Variants in ANKRD42 observed in about 807,000 individuals in gnomAD.
The protein encoded by ANKRD42 is ankyrin repeat domain-containing protein 42.
ANKRD42 carries 43 observed loss-of-function variants against 51.5 expected under a neutral mutation model. The observed-to-expected ratio is 0.83, with a 90% CI of 0.65 to 1.08. ANKRD42 has a LOEUF of 1.08. ANKRD42 is among the 50% of genes least tolerant of loss of function. The probability of loss-of-function intolerance (pLI) is 0.00; values close to 1 mark genes in which losing one functional copy is unlikely to be tolerated. For missense variants in ANKRD42, 608 were observed against 629.3 expected, an observed-to-expected ratio of 0.97 and a Z score of 0.36; for synonymous variants, 203 against 213.0, an observed-to-expected ratio of 0.95 and a Z score of 0.41.
chr11:83,230,736 G>T (rs1863044231), intron 7 of ANKRD42, among the ~76,000 whole-genome samples: 1 of 152,062 alleles, frequency 6.6e-6, no homozygotes, highest in South Asian at 2.1e-4. Flanking sequence ...ACAGGTGTGT[G>T]CCACCATGCC....
rs1220921537 is a variant in ANKRD42 at position 83,245,542 on chromosome 11, A to G, written c.1240A>G (p.Ile414Val). Reference sequence around the variant, plus strand: ...TGTAGAATTGAGACACCTCCTGGAAATTGCCGAGAGCAACTATAAACACTT... The same window carrying G: ...TGTAGAATTGAGACACCTCCTGGAAGTTGCCGAGAGCAACTATAAACACTT... ...KIVELRHLLE[I>V]AESNYKHLGG... is the part of the protein sequence containing the mutation. Residue 414 changes from isoleucine to valine, a missense_variant, in exon 10 of 11, where the codon ATT (isoleucine) becomes GTT (valine). Physicochemically the swap from Ile to Val is conservative, Grantham distance 29. Transcript: ENST00000533342. The G allele has an allele frequency of 6.5e-7, 1 of 1,536,514 alleles. No homozygotes were observed. Among genetic ancestry groups the G allele is most frequent in the African/African-American group, 1.4e-5 (1 of 73,046 alleles).
At chr11:83,249,919 A>C (rs1245902085), downstream of ANKRD42, among the ~76,000 whole-genome samples, 1 of 152,082 alleles carries the variant, frequency 6.6e-6, no homozygotes, top group East Asian at 1.9e-4. Flanking sequence ...AGAAATCCTG[A>C]ATTTGGTTTC....
intron 1 of ANKRD42, among the ~76,000 whole-genome samples, chr11:83,195,561 A>G (rs1346758105): frequency 6.6e-6 from 1 of 152,196 alleles, no homozygotes; most frequent in Non-Finnish European, 1.5e-5. Flanking sequence ...CAGCATGTCC[A>G]AAATGTAATT....
In ANKRD42 at chr11:83,194,862, A is replaced by G. The variant is rs191038142; in HGVS notation, c.58+134A>G. ...CCCTTTCCCTTTTTAATTTATTTTC[A>G]GGGGATACCAAAGCTGTTCAGCTCT... On this transcript the variant is annotated intron_variant, in intron 1 of 10. Coordinates refer to ENST00000533342, the MANE Select transcript of ANKRD42 (RefSeq NM_001300975.2). 4,144 of 908,632 alleles carry G rather than the reference A, an allele frequency of 4.6e-3. 14 individuals are homozygous for G. The highest frequency in any genetic ancestry group is 6.0e-3 in the Non-Finnish European group (3,684 of 611,184). 56.3% of individuals were successfully genotyped at this position (908,632 alleles called of 1,614,324 possible).
At chr11:83,235,725 T>G (rs1863204054) in intron 7 of ANKRD42, among the ~76,000 whole-genome samples, 1 of 152,242 alleles carries the variant, frequency 6.6e-6, no homozygotes, top group South Asian at 2.1e-4. Context: ...TGAAGAAGAA[T>G]AGTTACAGGT....
chr11:83,239,433 G>A (rs1046363185), intron 8 of ANKRD42, among the ~76,000 whole-genome samples: 1 of 151,884 alleles, frequency 6.6e-6, no homozygotes, highest in African/African-American at 2.4e-5. Context: ...ATCCTTTTAT[G>A]TATTATGATT....
At chr11:83,223,497 T>C (rs1461941831) in intron 5 of ANKRD42, among the ~76,000 whole-genome samples, 2 of 151,424 alleles carry the variant, frequency 1.3e-5, no homozygotes, top group Non-Finnish European at 2.9e-5. Context: ...GAAAGGGGAG[T>C]CAAGGATGGC....
intron 2 of ANKRD42, among the ~76,000 whole-genome samples, chr11:83,199,564 T>C (rs1764960809): frequency 6.6e-6 from 1 of 152,214 alleles, no homozygotes; most frequent in South Asian, 2.1e-4. Flanking sequence ...AATTTTTAGC[T>C]AGTACTAACT....
chr11:83,223,843 G>T (rs1355575666), intron 5 of ANKRD42, among the ~76,000 whole-genome samples: 2 of 152,052 alleles, frequency 1.3e-5, no homozygotes, highest in South Asian at 4.1e-4. Flanking sequence ...ATCAAGATAT[G>T]TGAATTGGGC....
rs760743456 is a variant in ANKRD42, at chr11:83,210,385, C to T, written c.416C>T (p.Ser139Phe). The T allele has an allele frequency of 3.7e-6, 6 of 1,613,904 alleles. No individual in the cohort carries two copies. Among genetic ancestry groups the T allele is most frequent in the Non-Finnish European group, 5.1e-6 (6 of 1,179,940 alleles). ...PLHLAATHGHSFTLQIMLRSG... is the reference protein window; with the variant it reads ...PLHLAATHGHFFTLQIMLRSG... ...CATCTTGCTGCAACTCATGGACATT[C>T]TTTCACTTTACAAATAATGCTCCGA... Residue 139 changes from serine to phenylalanine, a missense_variant, in exon 4 of 11, where the codon TCT becomes TTT. By Grantham distance (155) the Ser-to-Phe change is radical. Coordinates refer to ENST00000533342, the MANE Select transcript of ANKRD42 (RefSeq NM_001300975.2).
intron 5 of ANKRD42, 88 bp downstream of exon 5, chr11:83,211,518 T>G: frequency 7.0e-7 from 1 of 1,421,026 alleles, no homozygotes; most frequent in South Asian, 1.3e-5. Context: ...AACTGTTGGT[T>G]GAGCGTGGTG....
intron 8 of ANKRD42, among the ~76,000 whole-genome samples, chr11:83,239,372 C>T (rs1325747136): frequency 3.3e-5 from 5 of 151,936 alleles, no homozygotes; most frequent in African/African-American, 1.2e-4. Context: ...GGTTGTATCT[C>T]GTTTTTTCAT....
At chr11:83,196,723 T>C (rs549093469) in intron 1 of ANKRD42, among the ~76,000 whole-genome samples, 1 of 152,324 alleles carries the variant, frequency 6.6e-6, no homozygotes, top group Admixed American at 6.5e-5. Flanking sequence ...TTTTTATCCT[T>C]ATGGTAGACA....
At chr11:83,207,368 A>AGGAGCTC (rs1264822469) in intron 3 of ANKRD42, among the ~76,000 whole-genome samples, 4 of 152,240 alleles carry the variant, frequency 2.6e-5, no homozygotes, top group Non-Finnish European at 5.9e-5. Context: ...TTGAAGGGAC[A>AGGAGCTC]GGAGCTCTAC....
intron 9 of ANKRD42, 45 bp downstream of exon 9, chr11:83,240,979 A>G: frequency 6.4e-7 from 1 of 1,557,782 alleles, no homozygotes; most frequent in Non-Finnish European, 8.7e-7. Flanking sequence ...CAGAAATACC[A>G]CAGCCACTTT....
Position 83,225,499 on chromosome 11 carries a change from A to ATCCTG in ANKRD42, c.787+444_787+445insTCCTG, listed in dbSNP as rs1247113569. Among the ~76,000 whole-genome samples, 3 of 152,050 alleles carry ATCCTG rather than the reference A, an allele frequency of 2.0e-5. No homozygotes were observed. The East Asian group carries it at 5.8e-4, about 29-fold the overall frequency. ...AGGATGGATTGAGCCCAGGAAGTCA[A>ATCCTG]GGCTACAGTGAACCGTGATTGTACC... On this transcript the variant is annotated intron_variant, in intron 6 of 10. Coordinates refer to ENST00000533342, the MANE Select transcript of ANKRD42 (RefSeq NM_001300975.2).
At chr11:83,201,483 G>T (rs1861870411) in intron 2 of ANKRD42, among the ~76,000 whole-genome samples, 2 of 152,198 alleles carry the variant, frequency 1.3e-5, no homozygotes, top group Non-Finnish European at 2.9e-5. Flanking sequence ...ATAGTAGAAT[G>T]ATTTATAATC....
chr11:83,210,825 T>A (rs1751408474), intron 4 of ANKRD42, among the ~76,000 whole-genome samples: 2 of 152,242 alleles, frequency 1.3e-5, no homozygotes, highest in African/African-American at 4.8e-5. Flanking sequence ...AAATTTTGTT[T>A]ATTGCAATAT....
At chr11:83,217,382 A>G (rs920828539) in intron 5 of ANKRD42, among the ~76,000 whole-genome samples, 1 of 152,246 alleles carries the variant, frequency 6.6e-6, no homozygotes, top group Non-Finnish European at 1.5e-5. Context: ...ACTTTTGGGC[A>G]TAACAAGAAA....
Sources: allele counts gnomAD v4.1 joint callset (sites outside exome capture counted in the v4.1 genomes callset), GRCh38; gene constraint gnomAD v4.1.1; transcripts MANE v1.5; gene names NCBI Gene and HGNC (gene_info 2026-07-23, HGNC 2026-07-21).